KDM5B: variants seen among roughly 807,000 people sequenced by gnomAD.
The protein encoded by KDM5B is lysine demethylase 5B.
Under a neutral mutation model 193.4 loss-of-function variants are expected in KDM5B, and 144 were observed. The ratio of observed to expected loss-of-function variants is 0.74; its 90% confidence interval spans 0.65 to 0.86. The LOEUF (loss-of-function observed/expected upper bound fraction) is 0.86, where lower values mean the gene tolerates loss of function less well. Ranked by LOEUF, KDM5B falls within the 40% of genes least tolerant of loss-of-function variation. The probability of loss-of-function intolerance (pLI) is 0.00; values close to 1 mark genes in which losing one functional copy is unlikely to be tolerated. For synonymous variants in KDM5B, 668 were observed against 682.6 expected, an observed-to-expected ratio of 0.98 and a Z score of 0.33; for missense variants, 1,833 against 1,886.9, an observed-to-expected ratio of 0.97 and a Z score of 0.53.
In KDM5B at chr1:202,764,155, A is replaced by G; in HGVS notation, c.712-10T>C. 3 of 1,328,050 alleles carry G rather than the reference A, an allele frequency of 2.3e-6. No individual in the cohort carries two copies. The highest frequency in any genetic ancestry group is 2.6e-5 in the South Asian group (2 of 76,360). The allele number at this position is 1,328,050 out of a possible 1,614,324, so 82.3% of individuals were successfully genotyped here. A position where few individuals can be genotyped will look rare whatever the true frequency, so the allele number is the denominator to read the frequency against. On this transcript the variant is annotated splice_polypyrimidine_tract_variant and intron_variant, in intron 5 of 26. Coordinates refer to ENST00000367265, the MANE Select transcript of KDM5B (RefSeq NM_006618.5). ...TTTTAATATTCATGGCCTTAAAAAA[A>G]TTGTCATATACATGAATATTTCCTT...
chr1:202,777,446 T>C (rs1158173712), intron 1 of KDM5B, among the ~76,000 whole-genome samples: 1 of 151,874 alleles, frequency 6.6e-6, no homozygotes, highest in African/African-American at 2.4e-5. Flanking sequence ...AACAGCTATA[T>C]GTCTATAACT....
chr1:202,780,157 CCAG>C (rs1350529226), intron 1 of KDM5B, among the ~76,000 whole-genome samples: 1 of 151,924 alleles, frequency 6.6e-6, no homozygotes, highest in Non-Finnish European at 1.5e-5. Context: ...GCCTTGTGAC[CCAG>C]CAGTTTTGTT....
At chr1:202,796,600 A>G (rs763521157) in intron 1 of KDM5B, 1 of 162,750 alleles carries the variant, frequency 6.1e-6, no homozygotes, top group Non-Finnish European at 1.3e-5. Flanking sequence ...ATGTTATACT[A>G]TGTGCTGGTA....
intron 4 of KDM5B, among the ~76,000 whole-genome samples, chr1:202,771,973 T>C (rs1656739670): frequency 6.6e-6 from 1 of 152,222 alleles, no homozygotes; most frequent in Non-Finnish European, 1.5e-5. Flanking sequence ...GATTGGCTAC[T>C]TTCTTCTAGG....
intron 4 of KDM5B, 197 bp from the exon 5 acceptor site, chr1:202,767,257 A>G (rs963404542): frequency 2.5e-6 from 4 of 1,599,700 alleles, no homozygotes; most frequent in African/African-American, 1.3e-5. Flanking sequence ...GTGTCTTACT[A>G]CAAGGAAGGG....
At chr1:202,730,619 G>A (rs1654848547) in intron 25 of KDM5B, among the ~76,000 whole-genome samples, 2 of 152,068 alleles carry the variant, frequency 1.3e-5, no homozygotes, top group Non-Finnish European at 2.9e-5. Context: ...CCCTAATTTG[G>A]CTTCAGGCTT....
At chr1:202,764,445 T>C (rs1319517691) in intron 5 of KDM5B, among the ~76,000 whole-genome samples, 1 of 152,082 alleles carries the variant, frequency 6.6e-6, no homozygotes, top group Non-Finnish European at 1.5e-5. Flanking sequence ...AAGACCAGCC[T>C]GGCTAACAGT....
chr1:202,741,638 C>T lies in KDM5B; in HGVS notation c.2674G>A (p.Asp892Asn). ...EETPSAAELQDLLDVSFEFDV... is the reference protein window; with the variant it reads ...EETPSAAELQNLLDVSFEFDV... ...AATTCAAAGCTGACATCTAGCAAGT[C>T]CTGCAGCTCCGCAGCACTAGGCGTT... is the stretch of plus-strand genomic sequence containing the variant. Residue 892 changes from aspartate to asparagine, a missense_variant, in exon 19 of 27, where the codon GAC becomes AAC. Asp to Asn is a conservative substitution (Grantham distance 23, BLOSUM62 1). This residue lies in a region of KDM5B where 1,379 missense variants were observed against 1,349.6 expected (regional missense o/e 1.02). Transcript: ENST00000367265. 2 of 1,614,120 alleles carry T rather than the reference C, an allele frequency of 1.2e-6. No homozygotes were observed. The highest frequency in any genetic ancestry group is 1.7e-6 in the Non-Finnish European group (2 of 1,179,968).
intron 20 of KDM5B, among the ~76,000 whole-genome samples, chr1:202,738,784 G>A (rs1655191918): frequency 6.6e-6 from 1 of 152,060 alleles, no homozygotes; most frequent in South Asian, 2.1e-4. Flanking sequence ...TTCAAATTAA[G>A]TCATTCAGCC....
At chr1:202,746,799 T>G (rs903549059) in intron 14 of KDM5B, among the ~76,000 whole-genome samples, 1 of 152,224 alleles carries the variant, frequency 6.6e-6, no homozygotes, top group East Asian at 1.9e-4. Context: ...TTTGGGAAGA[T>G]GCTGAGTGGT....
In KDM5B at chr1:202,746,158, AAGG is replaced by A; in HGVS notation, c.2179_2181del (p.Pro727del). 6.2e-7 allele frequency: 1 copy of A among 1,609,888 alleles called. No homozygotes were observed. Among genetic ancestry groups the A allele is most frequent in the Non-Finnish European group, 8.5e-7 (1 of 1,178,514 alleles). On this transcript the variant is annotated inframe_deletion, in exon 15 of 27. Transcript: ENST00000367265. ...CCTACTTACCGCAATTTATATTTGT[AAGG>A]AGGACAGGAACACAATTCTTTTACA...
At position 202,762,814 on chromosome 1, in the gene KDM5B, G is replaced by A. The variant is rs753717928; in HGVS notation, c.809-6C>T. 3.6e-5 allele frequency: 54 copies of A among 1,518,392 alleles called. No homozygotes were observed. The highest frequency in any genetic ancestry group is 4.8e-5 in the Non-Finnish European group (52 of 1,093,770). 94.1% of individuals were successfully genotyped at this position (1,518,392 alleles called of 1,614,324 possible). A position where few individuals can be genotyped will look rare whatever the true frequency, so the allele number is the denominator to read the frequency against. ...GCTACTCTTCATTTCTTTCTCTGTA[G>A]GAGGCAATCCAAAATTAGCTCTTTA... is the stretch of plus-strand genomic sequence containing the variant. On this transcript the variant is annotated splice_polypyrimidine_tract_variant and splice_region_variant and intron_variant, in intron 6 of 26. Coordinates refer to ENST00000367265, the MANE Select transcript of KDM5B (RefSeq NM_006618.5).
chr1:202,746,736 A>G (rs1034905916), intron 14 of KDM5B: 1 of 154,838 alleles, frequency 6.5e-6, no homozygotes, highest in African/African-American at 2.4e-5. Context: ...AAGGACAAAA[A>G]TAAAAGGAAA....
At chr1:202,807,681 C>T (rs1222994622) in intron 1 of KDM5B, among the ~76,000 whole-genome samples, 1 of 149,814 alleles carries the variant, frequency 6.7e-6, no homozygotes, top group Non-Finnish European at 1.5e-5. Context: ...CCCCCGCACC[C>T]CGGGAGCGGA....
chr1:202,744,801 A>T (rs939353010), intron 16 of KDM5B, among the ~76,000 whole-genome samples: 3 of 152,250 alleles, frequency 2.0e-5, no homozygotes, highest in Admixed American at 1.3e-4. Flanking sequence ...TACTGGGTAT[A>T]TACCCAAAGG....
chr1:202,745,286 A>G (rs1266653849), intron 16 of KDM5B, among the ~76,000 whole-genome samples: 1 of 152,236 alleles, frequency 6.6e-6, no homozygotes, highest in Non-Finnish European at 1.5e-5. Context: ...ACACAAGTTT[A>G]TCTATGTAAC....
chr1:202,742,909 TA>T, intron 16 of KDM5B, 104 bp from the exon 17 acceptor site: 1 of 942,116 alleles, frequency 1.1e-6, no homozygotes, highest in Non-Finnish European at 1.6e-6. Flanking sequence ...TCTAGAAATG[TA>T]ACTTACAAAT....
intron 15 of KDM5B, 34 bp downstream of exon 15, chr1:202,746,108 T>C (rs1489817566): frequency 6.6e-7 from 1 of 1,522,846 alleles, no homozygotes; most frequent in Non-Finnish European, 8.9e-7. Context: ...ATCAACTGTT[T>C]TCCATAGGAA....
chr1:202,783,185 T>C (rs371184437), intron 1 of KDM5B, among the ~76,000 whole-genome samples: 1 of 152,268 alleles, frequency 6.6e-6, no homozygotes, highest in African/African-American at 2.4e-5. Flanking sequence ...GGAGAATCAC[T>C]TGAACCCAGG....
Sources: allele counts gnomAD v4.1 joint callset (sites outside exome capture counted in the v4.1 genomes callset), GRCh38; gene constraint gnomAD v4.1.1; regional missense constraint gnomAD v4.1.1; transcripts MANE v1.5; gene names NCBI Gene and HGNC (gene_info 2026-07-23, HGNC 2026-07-21).